The following HIVEP3 variants were observed in gnomAD, a reference collection of about 807,000 sequenced individuals.
HIVEP3 encodes transcription factor HIVEP3.
In HIVEP3, 49 loss-of-function variants were observed where a neutral mutation model predicts 152.8. The observed-to-expected ratio is 0.32, with a 90% CI of 0.26 to 0.41. HIVEP3 has a LOEUF of 0.41. HIVEP3 is among the 10% of genes least tolerant of loss of function. The pLI, the probability that HIVEP3 is intolerant of heterozygous loss-of-function variation, is 1.00. For synonymous variants in HIVEP3, 1,269 were observed against 1,289.0 expected (o/e 0.98, Z 0.33); for missense variants, 2,790 against 3,103.3 (o/e 0.90, Z 2.40).
intron 1 of HIVEP3, among the ~76,000 whole-genome samples, chr1:41,892,884 T>C (rs530511100): frequency 6.7e-6 from 1 of 150,292 alleles, no homozygotes; most frequent in East Asian, 2.0e-4. Context: ...CTTTGGGAGG[T>C]TGAGGCGAGC....
intron 1 of HIVEP3, among the ~76,000 whole-genome samples, chr1:41,889,355 G>A (rs577821243): frequency 2.0e-4 from 30 of 152,302 alleles, no homozygotes; most frequent in African/African-American, 6.7e-4. Flanking sequence ...TCAAAAGGCA[G>A]GAGTTGTGGA....
chr1:41,862,840 C>T (rs1243438290), intron 1 of HIVEP3, among the ~76,000 whole-genome samples: 4 of 152,188 alleles, frequency 2.6e-5, no homozygotes, highest in African/African-American at 9.7e-5. Context: ...GCTTTACTGA[C>T]GTAGAGACAA....
At chr1:41,611,065 C>A (rs1041598189) in intron 3 of HIVEP3, among the ~76,000 whole-genome samples, 11 of 152,224 alleles carry the variant, frequency 7.2e-5, no homozygotes, top group African/African-American at 2.2e-4. Context: ...AGGCCGTAGG[C>A]TCAGGGTGTG....
chr1:41,868,644 C>T (rs188032890), intron 1 of HIVEP3, among the ~76,000 whole-genome samples: 107 of 152,274 alleles, frequency 7.0e-4, no homozygotes, highest in African/African-American at 2.4e-3. Flanking sequence ...CACACCTGTG[C>T]GTGGCTCTCC....
chr1:41,537,496 G>C (rs1186975001), intron 5 of HIVEP3, among the ~76,000 whole-genome samples: 1 of 152,210 alleles, frequency 6.6e-6, no homozygotes, highest in East Asian at 1.9e-4. Context: ...GGTACCCTGG[G>C]AGGTCCAGCC....
At chr1:41,878,736 TC>T (rs1351767522) in intron 1 of HIVEP3, among the ~76,000 whole-genome samples, 2 of 130,422 alleles carry the variant, frequency 1.5e-5, no homozygotes, top group Non-Finnish European at 3.3e-5. Context: ...TTCCTCTCCT[TC>T]CCCCCTCCCT....
chr1:41,567,693 G>T (rs556168531), intron 5 of HIVEP3, among the ~76,000 whole-genome samples: 11 of 152,310 alleles, frequency 7.2e-5, no homozygotes, highest in African/African-American at 2.6e-4. Context: ...CTCAGAGAAG[G>T]CCCTGGCCTG....
At chr1:41,982,478 T>A (rs944876640) in intron 1 of HIVEP3, among the ~76,000 whole-genome samples, 2 of 152,160 alleles carry the variant, frequency 1.3e-5, no homozygotes, top group African/African-American at 4.8e-5. Context: ...AGAATAAATC[T>A]GATAAATCGT....
chr1:41,562,696 G>C (rs1644097275), intron 5 of HIVEP3, among the ~76,000 whole-genome samples: 1 of 150,474 alleles, frequency 6.6e-6, no homozygotes, highest in South Asian at 2.1e-4. Context: ...ACAAGGAAGA[G>C]GGGAATGGGA....
intron 1 of HIVEP3, among the ~76,000 whole-genome samples, chr1:41,891,198 G>T (rs1644440770): frequency 6.6e-6 from 1 of 152,000 alleles, no homozygotes; most frequent in Non-Finnish European, 1.5e-5. Flanking sequence ...CTTTCACCCT[G>T]GACTAACAGG....
At position 41,524,750 on chromosome 1, in the gene HIVEP3, CAA is replaced by C; in HGVS notation, c.5366_5367del (p.Phe1789CysfsTer3). 1 of 1,613,928 alleles carries C rather than the reference CAA, an allele frequency of 6.2e-7. No individual in the cohort carries two copies. The highest frequency in any genetic ancestry group is 1.3e-5 in the African/African-American group (1 of 75,060). The stretch of plus-strand genomic sequence containing the variant: ...TCTCTCTTACCTTTGGTTTTAAAAG[CAA>C]AGTGACAGTGCTTGCACACATAGGG... ...VRPYVCKHCHFAFKTKGNLTK... is the reference protein window; with the variant it reads ...VRPYVCKHCHXAFKTKGNLTK... On this transcript the variant is annotated frameshift_variant, in exon 6 of 9. Coordinates refer to ENST00000372583, the MANE Select transcript of HIVEP3 (RefSeq NM_024503.5). LOFTEE classifies it high-confidence loss of function.
chr1:41,642,913 C>T (rs1220357807), intron 2 of HIVEP3, among the ~76,000 whole-genome samples: 1 of 152,112 alleles, frequency 6.6e-6, no homozygotes, highest in Non-Finnish European at 1.5e-5. Context: ...AGCATGGGAC[C>T]TTGCATCTGA....
At chr1:41,549,048 C>T (rs1374247753) in intron 5 of HIVEP3, among the ~76,000 whole-genome samples, 2 of 151,646 alleles carry the variant, frequency 1.3e-5, no homozygotes, top group African/African-American at 2.4e-5. Context: ...CAACAGGCCC[C>T]GGGGTGTGAT....
At chr1:41,724,636 AG>A (rs936890586) in intron 1 of HIVEP3, among the ~76,000 whole-genome samples, 3 of 152,234 alleles carry the variant, frequency 2.0e-5, no homozygotes, top group African/African-American at 7.2e-5. Context: ...GGTAATGGAC[AG>A]GGGCAGCTCC....
intron 1 of HIVEP3, among the ~76,000 whole-genome samples, chr1:41,947,152 C>T (rs188942967): frequency 1.1e-4 from 17 of 152,200 alleles, no homozygotes; most frequent in Non-Finnish European, 2.1e-4. Context: ...AGGGATAGAC[C>T]CCATCTATTT....
At chr1:41,913,799 G>A (rs1434617533) in intron 1 of HIVEP3, among the ~76,000 whole-genome samples, 1 of 152,178 alleles carries the variant, frequency 6.6e-6, no homozygotes, top group African/African-American at 2.4e-5. Context: ...GGAGCATATC[G>A]TGTGTTTATA....
chr1:41,536,000 C>G (rs965016498), intron 5 of HIVEP3: 2 of 152,008 alleles, frequency 1.3e-5, no homozygotes, highest in Non-Finnish European at 2.9e-5. Flanking sequence ...TGTAGCAGAC[C>G]CACAGCTTCT....
At chr1:41,749,370 AG>A (rs1389755315) in intron 1 of HIVEP3, among the ~76,000 whole-genome samples, 2 of 147,574 alleles carry the variant, frequency 1.4e-5, no homozygotes, top group Admixed American at 1.4e-4. Context: ...CAGGATTCAA[AG>A]GCTCTCTGGA....
At chr1:41,995,966 T>G (rs1645393584) in intron 1 of HIVEP3, among the ~76,000 whole-genome samples, 1 of 152,136 alleles carries the variant, frequency 6.6e-6, no homozygotes, top group Non-Finnish European at 1.5e-5. Context: ...CCTCAACAAA[T>G]CACCCCAAAT....
Sources: allele counts gnomAD v4.1 joint callset (sites outside exome capture counted in the v4.1 genomes callset), GRCh38; gene constraint gnomAD v4.1.1; transcripts MANE v1.5; gene names NCBI Gene and HGNC (gene_info 2026-07-23, HGNC 2026-07-21).